ST7: variants seen among roughly 807,000 people sequenced by gnomAD.
The protein encoded by ST7 is suppression of tumorigenicity 7.
Under a neutral mutation model 78.7 loss-of-function variants are expected in ST7, and 28 were observed. The observed-to-expected ratio is 0.36, with a 90% CI of 0.26 to 0.49. The LOEUF (loss-of-function observed/expected upper bound fraction) is 0.49. ST7 is among the 20% of genes least tolerant of loss of function. ST7 has a pLI of 0.99. For missense variants in ST7, 418 were observed against 696.0 expected (o/e 0.60, Z 4.49); for synonymous variants, 247 against 249.6 (o/e 0.99, Z 0.10).
At chr7:117,012,936 G>A (rs529639756) in intron 1 of ST7, among the ~76,000 whole-genome samples, 139 of 152,052 alleles carry the variant, frequency 9.1e-4, no homozygotes, top group Middle Eastern at 3.4e-3. Context: ...TCTGTCCATC[G>A]GTCTTATACT....
intron 9 of ST7, among the ~76,000 whole-genome samples, chr7:117,152,659 A>T (rs1283981357): frequency 6.6e-6 from 1 of 152,174 alleles, no homozygotes; most frequent in East Asian, 1.9e-4. Flanking sequence ...TCAGTCTTCC[A>T]TCTACATTTG....
chr7:117,179,702 G>GT (rs1808600890), intron 10 of ST7, among the ~76,000 whole-genome samples: 1 of 151,630 alleles, frequency 6.6e-6, no homozygotes, highest in Non-Finnish European at 1.5e-5. Flanking sequence ...AGCTGGGGGT[G>GT]TGGGGGGGTA....
At chr7:117,161,075 A>G (rs539058540) in intron 9 of ST7, among the ~76,000 whole-genome samples, 255 of 151,666 alleles carry the variant, frequency 1.7e-3, no homozygotes, top group African/African-American at 5.9e-3. Context: ...AATTATCTAA[A>G]TATTGTTCAA....
intron 9 of ST7, among the ~76,000 whole-genome samples, chr7:117,149,529 C>T (rs909903746): frequency 1.1e-4 from 16 of 151,204 alleles, no homozygotes; most frequent in Non-Finnish European, 1.8e-4. Context: ...GAGGTATTCT[C>T]ACCCTCCAAT....
intron 10 of ST7, among the ~76,000 whole-genome samples, chr7:117,188,539 A>G (rs1485861252): frequency 6.6e-6 from 1 of 152,150 alleles, no homozygotes; most frequent in Non-Finnish European, 1.5e-5. Context: ...TCTCACTTGT[A>G]CCCTGTGCTT....
chr7:117,172,862 A>G (rs1180958408), intron 10 of ST7, among the ~76,000 whole-genome samples: 1 of 152,344 alleles, frequency 6.6e-6, no homozygotes, highest in East Asian at 1.9e-4. Flanking sequence ...TTGGGATGGC[A>G]AGCCTCTTAA....
chr7:116,996,457 G>A (rs1794660065), intron 1 of ST7, among the ~76,000 whole-genome samples: 1 of 152,170 alleles, frequency 6.6e-6, no homozygotes, highest in African/African-American at 2.4e-5. Flanking sequence ...CTAGGAAATT[G>A]AGCTAATACC....
rs550377710 is a variant in ST7, at chr7:117,038,553, A to G, written c.152-61209A>G. Among the ~76,000 whole-genome samples the G allele has an allele frequency of 1.1e-4, 17 of 152,328 alleles. No individual in the cohort carries two copies. In the South Asian group the frequency reaches 2.9e-3, roughly 26 times the overall value. On this transcript the variant is annotated intron_variant, in intron 1 of 15. Transcript: ENST00000323984. ...TCTTGGGCAATTTTATAATCTTTCA[A>G]TTGAGGACAATATTCTGCTCATAAA...
intron 3 of ST7, among the ~76,000 whole-genome samples, chr7:117,122,188 T>A (rs1349975713): frequency 6.6e-6 from 1 of 152,026 alleles, no homozygotes; most frequent in Non-Finnish European, 1.5e-5. Flanking sequence ...GTTCGAGAAA[T>A]AAAAATTGGC....
At chr7:117,110,163 A>G (rs1802314604) in intron 2 of ST7, among the ~76,000 whole-genome samples, 1 of 152,224 alleles carries the variant, frequency 6.6e-6, no homozygotes, top group African/African-American at 2.4e-5. Flanking sequence ...TCTGATGATT[A>G]TCATTTACAT....
rs1801427739 is a variant in ST7 at position 117,099,814 on chromosome 7, C to T, written c.204C>T (p.Gly68=). ...LTPKFYVALT[G]TSSLISGLIL... ...CGAAGTTCTACGTGGCCCTAACAGGCACTTCCTCACTAATATCAGGGCTTA... is the reference window on the plus strand; with the variant it reads ...CGAAGTTCTACGTGGCCCTAACAGGTACTTCCTCACTAATATCAGGGCTTA... The change falls in exon 2 of 16, where the codon GGC becomes GGT. Residue 68 remains glycine (G), a synonymous_variant. Coordinates refer to ENST00000323984, the MANE Select transcript of ST7 (RefSeq NM_001369598.1). 2 of 1,613,660 alleles carry T rather than the reference C, an allele frequency of 1.2e-6. No homozygotes were observed. Among genetic ancestry groups the T allele is most frequent in the East Asian group, 2.2e-5 (1 of 44,828 alleles).
At chr7:116,966,725 G>A (rs1793138161) in intron 1 of ST7, among the ~76,000 whole-genome samples, 1 of 152,206 alleles carries the variant, frequency 6.6e-6, no homozygotes, top group South Asian at 2.1e-4. Context: ...GAGATTTTAA[G>A]TAATTTAAGC....
chr7:117,225,394 A>C (rs942431938), intron 15 of ST7, among the ~76,000 whole-genome samples: 1 of 152,144 alleles, frequency 6.6e-6, no homozygotes, highest in African/African-American at 2.4e-5. Context: ...TTGCATTTCA[A>C]CCTCTATCTG....
intron 1 of ST7, among the ~76,000 whole-genome samples, chr7:117,051,307 C>T (rs1337467669): frequency 6.6e-6 from 1 of 152,178 alleles, no homozygotes; most frequent in African/African-American, 2.4e-5. Flanking sequence ...TAATTGGTCT[C>T]TTAACACAGC....
chr7:116,979,866 T>C (rs1793868975), intron 1 of ST7, among the ~76,000 whole-genome samples: 1 of 151,914 alleles, frequency 6.6e-6, no homozygotes, highest in South Asian at 2.1e-4. Context: ...CTTTTCTTCA[T>C]ACACCATGCT....
chr7:116,964,713 A>C (rs1198139681), intron 1 of ST7, among the ~76,000 whole-genome samples: 6 of 152,234 alleles, frequency 3.9e-5, no homozygotes, highest in African/African-American at 1.2e-4. Context: ...TTTTAAGGAA[A>C]GTATTTTAAA....
chr7:116,964,372 C>A (rs1431311152), intron 1 of ST7, among the ~76,000 whole-genome samples: 1 of 152,108 alleles, frequency 6.6e-6, no homozygotes, highest in Non-Finnish European at 1.5e-5. Context: ...GTTTATTGAA[C>A]GTTCCTAATA....
chr7:117,209,651 A>T (rs553552979), intron 12 of ST7, 136 bp from the exon 13 acceptor site: 1 of 989,780 alleles, frequency 1.0e-6, no homozygotes, highest in African/African-American at 1.6e-5. Flanking sequence ...ATTGCCTTCA[A>T]ATGTAGTAAT....
intron 9 of ST7, 113 bp from the exon 10 acceptor site, chr7:117,170,749 G>GTA (rs2117267489): frequency 2.9e-6 from 1 of 346,758 alleles, no homozygotes; most frequent in Non-Finnish European, 5.0e-6. Context: ...TTTACTTTGT[G>GTA]TATATATATC....
Sources: allele counts gnomAD v4.1 joint callset (sites outside exome capture counted in the v4.1 genomes callset), GRCh38; gene constraint gnomAD v4.1.1; transcripts MANE v1.5; gene names NCBI Gene and HGNC (gene_info 2026-07-23, HGNC 2026-07-21).